EVC2: variants seen among roughly 807,000 people sequenced by gnomAD.
EVC2 encodes limbin.
Under a neutral mutation model 149.3 loss-of-function variants are expected in EVC2, and 148 were observed. The ratio of observed to expected loss-of-function variants is 0.99; its 90% confidence interval spans 0.87 to 1.14. The LOEUF (loss-of-function observed/expected upper bound fraction) is 1.14. Ranked by LOEUF, EVC2 falls within the 50% of genes most tolerant of loss-of-function variation. The pLI, the probability that EVC2 is intolerant of heterozygous loss-of-function variation, is 0.00. For synonymous variants in EVC2, 776 were observed against 649.9 expected, an observed-to-expected ratio of 1.19 and a Z score of -2.95; for missense variants, 1,854 against 1,627.3, an observed-to-expected ratio of 1.14 and a Z score of -2.40.
chr4:5,610,799 T>TC lies in EVC2; in HGVS notation c.2829+4622_2829+4623insG, dbSNP rs202237791. ...TCTTGCTCCTTTTTCCTTTTCTTTT[T>TC]TTTTTTTTTTTTGCCAAATGCCTCC... On this transcript the variant is annotated intron_variant, in intron 16 of 21. Transcript: ENST00000344408. 6.7e-4 allele frequency among the ~76,000 whole-genome samples: 100 copies of TC among 150,270 alleles called. 1 individual carries two copies. In the East Asian group the frequency reaches 0.019, roughly 29 times the overall value.
At chr4:5,556,177 C>A (rs1721835651) in intron 21 of EVC2, among the ~76,000 whole-genome samples, 2 of 33,702 alleles carry the variant, frequency 5.9e-5, no homozygotes, top group Non-Finnish European at 1.1e-4. Context: ...GAGACTCCGT[C>A]TCAAAAAAAA....
At chr4:5,581,614 G>A (rs1577114427) in intron 17 of EVC2, among the ~76,000 whole-genome samples, 1 of 152,284 alleles carries the variant, frequency 6.6e-6, no homozygotes, top group Middle Eastern at 3.4e-3. Flanking sequence ...AACAACCTAT[G>A]TTCATATGTG....
chr4:5,702,127 G>A (rs560103557), intron 1 of EVC2, among the ~76,000 whole-genome samples: 2 of 152,082 alleles, frequency 1.3e-5, no homozygotes, highest in Non-Finnish European at 2.9e-5. Flanking sequence ...AACAACTGTC[G>A]GAGTCCTGGC....
chr4:5,697,506 G>C, intron 2 of EVC2, 87 bp downstream of exon 2: 1 of 1,311,378 alleles, frequency 7.6e-7, no homozygotes, highest in African/African-American at 1.5e-5. Context: ...GATCAGCAGA[G>C]AGTGAGGGAG....
At chr4:5,698,955 G>T in intron 1 of EVC2, among the ~76,000 whole-genome samples, 1 of 152,222 alleles carries the variant, frequency 6.6e-6, no homozygotes. Flanking sequence ...GAAACCATAA[G>T]GTGGGACAGG....
At position 5,686,127 on chromosome 4, in the gene EVC2, C is replaced by CACACACACACAT. The variant is rs71171411; in HGVS notation, c.707-649_707-648insATGTGTGTGTGT. Among the ~76,000 whole-genome samples the CACACACACACAT allele has an allele frequency of 6.9e-4, 103 of 149,652 alleles. No homozygotes were observed. Among genetic ancestry groups the CACACACACACAT allele is most frequent in the African/African-American group, 2.3e-3 (93 of 40,216 alleles). ...ACACACACACACACACACACACACA[C>CACACACACACAT]AGAGTAAAGAAAAGAGGAGGAACGC... is the stretch of plus-strand genomic sequence containing the variant. On this transcript the variant is annotated intron_variant, in intron 5 of 21. Transcript: ENST00000344408. This position sits in a 1 kb window ranked among gnomAD's most constrained non-coding sequence, Gnocchi z 5.4.
Position 5,625,977 on chromosome 4 carries a change from C to A in EVC2, c.1887-69G>T. On this transcript the variant is annotated intron_variant, in intron 12 of 21. Coordinates refer to ENST00000344408, the MANE Select transcript of EVC2 (RefSeq NM_147127.5). This position sits in a 1 kb window ranked among gnomAD's most constrained non-coding sequence, Gnocchi z 4.0. ...CACCTGTAGCTTAACTGCTATTGTGCCTGAACATTCATCTCCATATTAGTT... is the reference window on the plus strand; with the variant it reads ...CACCTGTAGCTTAACTGCTATTGTGACTGAACATTCATCTCCATATTAGTT... The A allele has an allele frequency of 6.3e-7, 1 of 1,576,082 alleles. No homozygotes were observed. The highest frequency in any genetic ancestry group is 8.7e-7 in the Non-Finnish European group (1 of 1,149,836).
chr4:5,651,377 T>C (rs1418029497), intron 9 of EVC2, among the ~76,000 whole-genome samples: 1 of 151,500 alleles, frequency 6.6e-6, no homozygotes, highest in Non-Finnish European at 1.5e-5. Context: ...AATGAAAGAA[T>C]GGGTGGGTGA....
chr4:5,689,841 C>A (rs1318345025), intron 4 of EVC2, among the ~76,000 whole-genome samples: 1 of 152,168 alleles, frequency 6.6e-6, no homozygotes, highest in African/African-American at 2.4e-5. Flanking sequence ...GGCTCTACTG[C>A]CAGAAGCCAT....
At position 5,631,773 on chromosome 4, in the gene EVC2, C is replaced by A; in HGVS notation, c.1710+20G>T. The A allele has an allele frequency of 6.2e-7, 1 of 1,613,116 alleles. No homozygotes were observed. Among genetic ancestry groups the A allele is most frequent in the Non-Finnish European group, 8.5e-7 (1 of 1,179,270 alleles). On this transcript the variant is annotated intron_variant, in intron 11 of 21. Coordinates refer to ENST00000344408, the MANE Select transcript of EVC2 (RefSeq NM_147127.5). ...ATTCAGAAAAATTACTTTTCCATCA[C>A]AGCGAGGCTGATGTATTACCTGTAT...
chr4:5,688,024 T>C (rs2151730607), intron 5 of EVC2, among the ~76,000 whole-genome samples: 1 of 152,322 alleles, frequency 6.6e-6, no homozygotes, highest in Middle Eastern at 3.4e-3. Flanking sequence ...CGTGGCTCCA[T>C]GCTCCATGCT....
In EVC2 at chr4:5,670,725, CA is replaced by C. The variant is rs1266351570; in HGVS notation, c.871-5077del. Among the ~76,000 whole-genome samples the C allele has an allele frequency of 6.6e-6, 1 of 152,066 alleles. No individual in the cohort carries two copies. The highest frequency in any genetic ancestry group is 1.5e-5 in the Non-Finnish European group (1 of 68,030). The stretch of plus-strand genomic sequence containing the variant: ...ACATCATCAATATCTCCATCACCAT[CA>C]TCTTCACCATCACCATCAACGCCAT... On this transcript the variant is annotated intron_variant, in intron 7 of 21. Coordinates refer to ENST00000344408, the MANE Select transcript of EVC2 (RefSeq NM_147127.5). This position sits in a 1 kb window ranked among gnomAD's most constrained non-coding sequence, Gnocchi z 5.2.
chr4:5,612,688 C>T (rs1714924964), intron 16 of EVC2, among the ~76,000 whole-genome samples: 2 of 151,960 alleles, frequency 1.3e-5, no homozygotes, highest in Admixed American at 6.6e-5. Context: ...TTTGGGAGGC[C>T]GAGGCGGGCG....
chr4:5,699,189 G>T (rs928169342), intron 1 of EVC2, among the ~76,000 whole-genome samples: 1 of 152,208 alleles, frequency 6.6e-6, no homozygotes, highest in African/African-American at 2.4e-5. Context: ...GGCAGAGACA[G>T]GCAAGAGGTG....
chr4:5,650,601 C>T (rs779079276), intron 9 of EVC2, among the ~76,000 whole-genome samples: 38 of 73,340 alleles, frequency 5.2e-4, no homozygotes, highest in Non-Finnish European at 7.8e-4. Flanking sequence ...TTGTTTTAAT[C>T]GCCATATATA....
In EVC2 at chr4:5,576,310, T is replaced by C. The variant is rs767026508; in HGVS notation, c.3202A>G (p.Arg1068Gly). ...LNEPGEVDSE[R>G]QVSTVLHQAL... The stretch of plus-strand genomic sequence containing the variant: ...TGGTGCAGGACAGTAGAGACCTGCC[T>C]TTCAGAATCCACCTCCCCAGGTTCG... The change falls in exon 18 of 22, where the codon AGG (arginine) becomes GGG (glycine). Residue 1068 changes from arginine to glycine, a missense_variant. Arg to Gly is a moderately radical substitution (Grantham distance 125). Coordinates refer to ENST00000344408, the MANE Select transcript of EVC2 (RefSeq NM_147127.5). This position sits in a 1 kb window ranked among gnomAD's most constrained non-coding sequence, Gnocchi z 4.5. 1.2e-6 allele frequency: 2 copies of C among 1,614,162 alleles called. No individual in the cohort carries two copies. Among genetic ancestry groups the C allele is most frequent in the East Asian group, 4.5e-5 (2 of 44,876 alleles).
chr4:5,629,539 T>A (rs1716374515), intron 11 of EVC2, among the ~76,000 whole-genome samples: 2 of 152,252 alleles, frequency 1.3e-5, no homozygotes, highest in African/African-American at 4.8e-5. Context: ...TTGTCCTTTT[T>A]CTATCTGTGG....
intron 5 of EVC2, among the ~76,000 whole-genome samples, chr4:5,687,170 T>A (rs1288858377): frequency 6.6e-6 from 1 of 152,026 alleles, no homozygotes; most frequent in Non-Finnish European, 1.5e-5. Context: ...GGCAGGAGAA[T>A]CACTTAAATT....
intron 19 of EVC2, among the ~76,000 whole-genome samples, chr4:5,571,037 C>T (rs765493216): frequency 2.6e-5 from 4 of 151,998 alleles, no homozygotes; most frequent in Non-Finnish European, 5.9e-5. Flanking sequence ...CACATTGGGC[C>T]GGGCGTCGTG....
Sources: gnomAD v4.1 joint callset for allele counts (sites outside exome capture counted in the v4.1 genomes callset) on GRCh38, gnomAD v4.1.1 for gene constraint, Gnocchi (gnomAD v3.1) non-coding constraint, MANE v1.5 for transcripts, NCBI Gene and HGNC (gene_info 2026-07-23, HGNC 2026-07-21) for gene names.